NBAS: variants seen among roughly 807,000 people sequenced by gnomAD.
NBAS encodes the protein NAG/BC035112 fusion.
A neutral mutation model predicts 302.5 loss-of-function variants in NBAS; 219 were observed. The observed-to-expected ratio is 0.72, with a 90% CI of 0.65 to 0.81. NBAS has a LOEUF of 0.81. NBAS is among the 30% of genes least tolerant of loss of function. NBAS has a pLI of 0.00. For missense variants in NBAS, 2,932 were observed against 2,841.6 expected, an observed-to-expected ratio of 1.03 and a Z score of -0.72; for synonymous variants, 1,118 against 1,021.6, an observed-to-expected ratio of 1.09 and a Z score of -1.80.
chr2:14,875,441 C>T, the NBAS span, among the ~76,000 whole-genome samples: 4 of 152,008 alleles, frequency 2.6e-5, no homozygotes, highest in African/African-American at 9.7e-5. Context: ...ATGGTGAAAC[C>T]CCATCTCTAC....
At chr2:15,287,523 G>A (rs1161746914) in intron 41 of NBAS, among the ~76,000 whole-genome samples, 2 of 152,268 alleles carry the variant, frequency 1.3e-5, no homozygotes, top group African/African-American at 2.4e-5. Flanking sequence ...GCATCTCATG[G>A]GTAGAGGCCA....
At chr2:15,086,781 A>G in the NBAS span, among the ~76,000 whole-genome samples, 33 of 152,316 alleles carry the variant, frequency 2.2e-4, no homozygotes, top group African/African-American at 7.7e-4. Context: ...CAGAAAAGTG[A>G]CACCCCAAAG....
the NBAS span, among the ~76,000 whole-genome samples, chr2:15,016,346 T>G: frequency 7.0e-4 from 107 of 152,240 alleles, no homozygotes; most frequent in African/African-American, 2.5e-3. Context: ...CTACAACACG[T>G]GGGAATTATG....
the NBAS span, among the ~76,000 whole-genome samples, chr2:15,054,305 G>T: frequency 6.6e-6 from 1 of 152,214 alleles, no homozygotes; most frequent in Admixed American, 6.5e-5. Context: ...CAATGCTGAG[G>T]CCACATCTGC....
chr2:15,508,755 G>A (rs1558399194), intron 10 of NBAS, among the ~76,000 whole-genome samples: 1 of 152,112 alleles, frequency 6.6e-6, no homozygotes, highest in East Asian at 1.9e-4. Context: ...TGTAATCCTA[G>A]CACTTTGGGA....
intron 50 of NBAS, among the ~76,000 whole-genome samples, chr2:15,185,636 G>A (rs1247642724): frequency 6.6e-6 from 1 of 152,134 alleles, no homozygotes; most frequent in African/African-American, 2.4e-5. Context: ...GCTGATACAA[G>A]CAGACCTTGG....
intron 27 of NBAS, among the ~76,000 whole-genome samples, chr2:15,395,906 T>C (rs563757557): frequency 1.3e-5 from 2 of 152,098 alleles, no homozygotes; most frequent in Non-Finnish European, 2.9e-5. Context: ...ATTACAACAG[T>C]AGAGAATATT....
At chr2:15,538,162 A>G (rs73202763) in intron 7 of NBAS, among the ~76,000 whole-genome samples, 5,950 of 152,224 alleles carry the variant, frequency 0.039, 367 homozygotes, top group African/African-American at 0.13. Flanking sequence ...TTCTTATTTT[A>G]GCTTCTCATT....
rs1335898335 is a variant in NBAS at position 15,520,210 on chromosome 2, TGAG to T, written c.747-8863_747-8861del. Among the ~76,000 whole-genome samples, 10 of 152,290 alleles carry T rather than the reference TGAG, an allele frequency of 6.6e-5. 1 individual carries two copies. In the South Asian group the frequency reaches 1.5e-3, roughly 22 times the overall value. On this transcript the variant is annotated intron_variant, in intron 9 of 51. Coordinates refer to ENST00000281513, the MANE Select transcript of NBAS (RefSeq NM_015909.4). ...TGAAGCCAAGAGTTAGAGACCAGCTTGAGCAACATGGCAAGACCCCATCGCTTC... is the reference window on the plus strand; with the variant it reads ...TGAAGCCAAGAGTTAGAGACCAGCTTCAACATGGCAAGACCCCATCGCTTC...
chr2:15,302,856 G>A (rs1670867074), intron 40 of NBAS, among the ~76,000 whole-genome samples: 1 of 152,166 alleles, frequency 6.6e-6, no homozygotes, highest in Non-Finnish European at 1.5e-5. Flanking sequence ...AGAAGAAGGT[G>A]GGAGAAGCCA....
At chr2:15,014,266 A>G in the NBAS span, among the ~76,000 whole-genome samples, 35 of 152,158 alleles carry the variant, frequency 2.3e-4, no homozygotes, top group African/African-American at 8.0e-4. Flanking sequence ...AGAAACATCA[A>G]ATTTATACTG....
the NBAS span, among the ~76,000 whole-genome samples, chr2:14,865,153 T>C: frequency 0.036 from 5,441 of 152,256 alleles, 319 homozygotes; most frequent in African/African-American, 0.12. Flanking sequence ...CCTACCTCAC[T>C]GAGCTTCCAT....
intron 29 of NBAS, among the ~76,000 whole-genome samples, chr2:15,382,045 T>G (rs544160119): frequency 1.6e-4 from 24 of 152,306 alleles, no homozygotes; most frequent in South Asian, 2.1e-4. Context: ...TTAAAAAAAC[T>G]TGTTTTAGAC....
intron 34 of NBAS, among the ~76,000 whole-genome samples, chr2:15,353,151 C>T (rs763711968): frequency 2.6e-5 from 4 of 152,160 alleles, no homozygotes; most frequent in Non-Finnish European, 5.9e-5. Context: ...TCCCCCCCAA[C>T]CAAAGCCCAC....
chr2:15,150,693 T>C, the NBAS span, among the ~76,000 whole-genome samples: 3 of 152,228 alleles, frequency 2.0e-5, no homozygotes, highest in Non-Finnish European at 4.4e-5. Context: ...GATAATGAGA[T>C]AATTAAGATT....
At chr2:14,889,714 A>G in the NBAS span, among the ~76,000 whole-genome samples, 1 of 152,200 alleles carries the variant, frequency 6.6e-6, no homozygotes, top group Non-Finnish European at 1.5e-5. Context: ...AGGTCTTCCA[A>G]TGGCTAGATG....
intron 44 of NBAS, among the ~76,000 whole-genome samples, chr2:15,270,006 A>G (rs4465744): frequency 0.56 from 85,619 of 152,036 alleles, 25,786 homozygotes; most frequent in East Asian, 0.85. Flanking sequence ...TGCAGAAACT[A>G]ACATGAGAAT....
chr2:14,884,263 A>G, the NBAS span, among the ~76,000 whole-genome samples: 1 of 152,146 alleles, frequency 6.6e-6, no homozygotes, highest in South Asian at 2.1e-4. Flanking sequence ...CCAGAATGCA[A>G]AGGACCCTCA....
At chr2:14,944,872 T>C in the NBAS span, among the ~76,000 whole-genome samples, 2 of 152,168 alleles carry the variant, frequency 1.3e-5, no homozygotes, top group Non-Finnish European at 2.9e-5. Flanking sequence ...GAAATGGTGA[T>C]TGCCCACCTG....
Sources: allele counts gnomAD v4.1 joint callset (sites outside exome capture counted in the v4.1 genomes callset), GRCh38; gene constraint gnomAD v4.1.1; transcripts MANE v1.5; gene names NCBI Gene and HGNC (gene_info 2026-07-23, HGNC 2026-07-21).